The following FMN1 variants were observed in gnomAD, a reference collection of about 807,000 sequenced individuals.
FMN1 encodes formin 1.
Under a neutral mutation model 132.4 loss-of-function variants are expected in FMN1, and 110 were observed. The ratio of observed to expected loss-of-function variants is 0.83; its 90% confidence interval spans 0.71 to 0.97. The LOEUF (loss-of-function observed/expected upper bound fraction) is 0.97. Ranked by LOEUF, FMN1 falls within the 50% of genes least tolerant of loss-of-function variation. The pLI, the probability that FMN1 is intolerant of heterozygous loss-of-function variation, is 0.00. For synonymous variants in FMN1, 722 were observed against 651.7 expected, an observed-to-expected ratio of 1.11 and a Z score of -1.64; for missense variants, 1,792 against 1,705.3, an observed-to-expected ratio of 1.05 and a Z score of -0.90.
intron 5 of FMN1, among the ~76,000 whole-genome samples, chr15:33,068,374 T>C (rs2037846408): frequency 6.6e-6 from 1 of 152,090 alleles, no homozygotes; most frequent in African/African-American, 2.4e-5. Context: ...TGAGGGCACT[T>C]AGCCACTGCC....
chr15:32,849,281 G>A (rs1025619067), intron 17 of FMN1, among the ~76,000 whole-genome samples: 4 of 151,634 alleles, frequency 2.6e-5, no homozygotes, highest in South Asian at 2.1e-4. Context: ...GTGAGCCACC[G>A]CGCCCGGCCA....
At chr15:33,016,048 T>C (rs747859873) in intron 6 of FMN1, among the ~76,000 whole-genome samples, 2 of 152,244 alleles carry the variant, frequency 1.3e-5, no homozygotes, top group African/African-American at 2.4e-5. Flanking sequence ...CAAGTGATTA[T>C]AATGCACAGC....
chr15:33,177,584 ATTACTT>A (rs1261582859), intron 3 of FMN1, among the ~76,000 whole-genome samples: 2 of 152,204 alleles, frequency 1.3e-5, no homozygotes, highest in African/African-American at 4.8e-5. Flanking sequence ...CACTCACCAA[ATTACTT>A]TTCTAGGTAG....
At chr15:32,849,818 G>A (rs1475472432) in intron 17 of FMN1, among the ~76,000 whole-genome samples, 2 of 152,106 alleles carry the variant, frequency 1.3e-5, no homozygotes, top group Admixed American at 6.5e-5. Context: ...CACCATGTCC[G>A]GCTAATTTTT....
chr15:32,959,629 A>C (rs1475601435), intron 9 of FMN1, among the ~76,000 whole-genome samples: 3 of 152,196 alleles, frequency 2.0e-5, no homozygotes, highest in East Asian at 3.8e-4. Flanking sequence ...AGAAAACTTA[A>C]AGAGTTTAAA....
rs2031560142 is a variant in FMN1 at position 32,969,255 on chromosome 15, A to G, written c.2446T>C (p.Cys816Arg). 5 of 1,613,818 alleles carry G rather than the reference A, an allele frequency of 3.1e-6. No homozygotes were observed. Among genetic ancestry groups the G allele is most frequent in the Non-Finnish European group, 4.2e-6 (5 of 1,179,886 alleles). ...QTDRETFLKP[C>R]ESESKTTRSN... Reference sequence around the variant, plus strand: ...CTGGTTGTCTTGCTTTCACTTTCACAGGGCTTGAGGAAGGTCTCTCTGTCT... The same window carrying G: ...CTGGTTGTCTTGCTTTCACTTTCACGGGGCTTGAGGAAGGTCTCTCTGTCT... The change falls in exon 8 of 21, where the codon TGT becomes CGT. Residue 816 changes from cysteine (C) to arginine (R), a missense_variant. By Grantham distance (180) the Cys-to-Arg change is radical (BLOSUM62 -3). This residue lies in a region of FMN1 where 1,150 missense variants were observed against 1,043.1 expected (regional missense o/e 1.10). Transcript: ENST00000616417.
chr15:33,069,991 C>CTTTTTTTTTTTTTTTTTTTTTTTTTT (rs1566888327), intron 5 of FMN1, among the ~76,000 whole-genome samples: 1 of 59,554 alleles, frequency 1.7e-5, no homozygotes. Flanking sequence ...ATCAGTCTTT[C>CTTTTTTTTTTTTTTTTTTTTTTTTTT]TCTTTTTTTT....
chr15:33,176,780 C>T (rs1368078973), intron 3 of FMN1, among the ~76,000 whole-genome samples: 4 of 152,118 alleles, frequency 2.6e-5, no homozygotes, highest in African/African-American at 7.2e-5. Flanking sequence ...GTCACCCTGT[C>T]GGTGGAGAAT....
intron 9 of FMN1, among the ~76,000 whole-genome samples, chr15:32,943,462 T>C (rs1202667956): frequency 1.3e-5 from 2 of 152,224 alleles, no homozygotes; most frequent in East Asian, 1.9e-4. Context: ...AAAGTAGATA[T>C]GCTACTGATG....
chr15:33,121,875 C>G (rs2468765), intron 4 of FMN1, among the ~76,000 whole-genome samples: 134,931 of 152,230 alleles, frequency 0.89, 59,893 homozygotes, highest in East Asian at 0.97. Flanking sequence ...AATTTGAAAA[C>G]AAAAAGAAAG....
chr15:33,099,039 G>A (rs1403923246), intron 4 of FMN1, among the ~76,000 whole-genome samples: 6 of 152,174 alleles, frequency 3.9e-5, no homozygotes, highest in African/African-American at 1.4e-4. Context: ...AGCTGAGGCT[G>A]GTGGACTGCT....
chr15:32,885,586 A>G (rs1470074910), intron 16 of FMN1, among the ~76,000 whole-genome samples: 1 of 152,236 alleles, frequency 6.6e-6, no homozygotes, highest in Non-Finnish European at 1.5e-5. Context: ...CAGAATTAAA[A>G]GAGGTGATAT....
rs2056120236 is a variant in FMN1 at position 32,768,449 on chromosome 15, T to C, written c.*5861A>G. The C allele has an allele frequency of 6.6e-6, 1 of 152,264 alleles. No homozygotes were observed. Among genetic ancestry groups the C allele is most frequent in the South Asian group, 2.1e-4 (1 of 4,834 alleles). 9.4% of individuals were successfully genotyped at this position (152,264 alleles called of 1,614,324 possible). ...TGATTTCCTTCTTGATGTATTAAGATAATGCATTGGCAGCTCACACTATAC... is the reference window on the plus strand; with the variant it reads ...TGATTTCCTTCTTGATGTATTAAGACAATGCATTGGCAGCTCACACTATAC... On this transcript the variant is annotated 3_prime_UTR_variant, in exon 21 of 21. Coordinates refer to ENST00000616417, the MANE Select transcript of FMN1 (RefSeq NM_001277313.2).
At chr15:33,112,222 T>C (rs763344788) in intron 4 of FMN1, among the ~76,000 whole-genome samples, 27 of 152,146 alleles carry the variant, frequency 1.8e-4, no homozygotes, top group Non-Finnish European at 2.6e-4. Flanking sequence ...CTTAAAATTA[T>C]AAAGGTATAA....
intron 7 of FMN1, among the ~76,000 whole-genome samples, chr15:32,994,740 C>T (rs183346764): frequency 3.4e-4 from 48 of 139,894 alleles, no homozygotes; most frequent in Admixed American, 6.9e-4. Flanking sequence ...TTAGATGAAA[C>T]GGATGATCAA....
intron 4 of FMN1, among the ~76,000 whole-genome samples, chr15:33,130,570 A>ATT (rs752041180): frequency 0.036 from 5,484 of 152,278 alleles, 148 homozygotes; most frequent in Non-Finnish European, 0.056. Flanking sequence ...GATGACAAGA[A>ATT]AATGCTGTGA....
At chr15:33,105,929 C>T (rs2039467690) in intron 4 of FMN1, 1 of 152,056 alleles carries the variant, frequency 6.6e-6, no homozygotes, top group Non-Finnish European at 1.5e-5. Flanking sequence ...TGCAGTTATG[C>T]CTGGTAGAGC....
chr15:32,785,796 TG>T (rs1484304699), intron 19 of FMN1, among the ~76,000 whole-genome samples: 1 of 152,074 alleles, frequency 6.6e-6, no homozygotes, highest in Non-Finnish European at 1.5e-5. Flanking sequence ...ACTCAGATCA[TG>T]TATGTTTCTT....
chr15:32,940,613 C>G (rs1479957548), intron 9 of FMN1, among the ~76,000 whole-genome samples: 3 of 152,082 alleles, frequency 2.0e-5, no homozygotes, highest in Non-Finnish European at 4.4e-5. Context: ...CTGTTTCTAG[C>G]ACAATCTTTA....
Sources: gnomAD v4.1 joint callset for allele counts (sites outside exome capture counted in the v4.1 genomes callset) on GRCh38, gnomAD v4.1.1 for gene constraint, gnomAD v4.1.1 regional missense constraint, MANE v1.5 for transcripts, NCBI Gene and HGNC (gene_info 2026-07-23, HGNC 2026-07-21) for gene names.